Variants in DOCK3 observed in about 807,000 individuals in gnomAD.
DOCK3 encodes the protein dedicator of cytokinesis 3.
DOCK3 carries 60 observed loss-of-function variants against 265.6 expected under a neutral mutation model. That is an observed-to-expected ratio of 0.23 (90% CI 0.18 to 0.28). The LOEUF (loss-of-function observed/expected upper bound fraction) is 0.28, where lower values mean the gene tolerates loss of function less well. Ranked by LOEUF, DOCK3 falls within the 10% of genes least tolerant of loss-of-function variation. The probability of loss-of-function intolerance (pLI) is 1.00; values close to 1 mark genes in which losing one functional copy is unlikely to be tolerated. For missense variants in DOCK3, 1,981 were observed against 2,594.3 expected (o/e 0.76, Z 5.14); for synonymous variants, 881 against 938.0 (o/e 0.94, Z 1.11).
At chr3:50,807,762 C>T (rs544500360) in intron 2 of DOCK3, among the ~76,000 whole-genome samples, 3 of 152,088 alleles carry the variant, frequency 2.0e-5, no homozygotes, top group Admixed American at 2.0e-4. Flanking sequence ...GTTGATTGAT[C>T]GATAGATACA....
At chr3:50,991,668 T>C (rs550183895) in intron 5 of DOCK3, among the ~76,000 whole-genome samples, 53 of 152,230 alleles carry the variant, frequency 3.5e-4, no homozygotes, top group African/African-American at 1.2e-3. Context: ...ACTGACAGTA[T>C]TAGACAGATC....
At chr3:50,700,078 A>G (rs1046505283) in intron 1 of DOCK3, among the ~76,000 whole-genome samples, 1 of 152,112 alleles carries the variant, frequency 6.6e-6, no homozygotes, top group African/African-American at 2.4e-5. Flanking sequence ...CATGAGTTCG[A>G]GACCAGTCTG....
intron 13 of DOCK3, 76 bp from the exon 14 acceptor site, chr3:51,214,046 A>G: frequency 1.3e-6 from 2 of 1,590,198 alleles, no homozygotes; most frequent in Non-Finnish European, 1.7e-6. Flanking sequence ...TCTTCTGGAA[A>G]ATGTGACTGT....
At chr3:51,197,389 G>T (rs2107935264) in intron 12 of DOCK3, among the ~76,000 whole-genome samples, 1 of 152,326 alleles carries the variant, frequency 6.6e-6, no homozygotes, top group Non-Finnish European at 1.5e-5. Context: ...CATGGCATGA[G>T]TGATAGCAGT....
chr3:51,312,412 A>T, intron 29 of DOCK3, 64 bp from the exon 30 acceptor site: 1 of 1,366,664 alleles, frequency 7.3e-7, no homozygotes, highest in Middle Eastern at 1.8e-4. Flanking sequence ...GCATGTATTT[A>T]GTAACGCTCC....
intron 5 of DOCK3, among the ~76,000 whole-genome samples, chr3:50,978,303 G>A (rs1385907127): frequency 6.6e-6 from 1 of 151,408 alleles, no homozygotes; most frequent in Non-Finnish European, 1.5e-5. Context: ...TGATGATGGT[G>A]ATGTACAGAT....
chr3:51,055,070 T>C (rs1248885637), intron 5 of DOCK3, among the ~76,000 whole-genome samples: 1 of 152,154 alleles, frequency 6.6e-6, no homozygotes, highest in African/African-American at 2.4e-5. Flanking sequence ...TATCAATTAG[T>C]GAACATTACT....
intron 51 of DOCK3, among the ~76,000 whole-genome samples, chr3:51,376,798 T>G (rs1008324762): frequency 1.3e-5 from 2 of 152,250 alleles, no homozygotes; most frequent in African/African-American, 2.4e-5. Flanking sequence ...TTGCTCATCA[T>G]GGAGGACATA....
chr3:51,133,514 T>C (rs960298980), intron 9 of DOCK3, among the ~76,000 whole-genome samples: 1 of 152,072 alleles, frequency 6.6e-6, no homozygotes, highest in African/African-American at 2.4e-5. Flanking sequence ...TATGGCTGCA[T>C]AGTGTTCCAT....
chr3:50,810,508 A>C (rs1408645042), intron 2 of DOCK3, among the ~76,000 whole-genome samples: 1 of 151,948 alleles, frequency 6.6e-6, no homozygotes, highest in Non-Finnish European at 1.5e-5. Flanking sequence ...GCACCACTGC[A>C]CTCCAGCCTG....
intron 2 of DOCK3, among the ~76,000 whole-genome samples, chr3:50,784,259 T>C (rs957757494): frequency 2.0e-5 from 3 of 152,238 alleles, no homozygotes; most frequent in Non-Finnish European, 4.4e-5. Flanking sequence ...ATTTGTTGAA[T>C]AGGGTGTGTC....
intron 32 of DOCK3, among the ~76,000 whole-genome samples, chr3:51,321,437 A>G (rs1028749652): frequency 1.3e-5 from 2 of 152,122 alleles, no homozygotes; most frequent in African/African-American, 2.4e-5. Flanking sequence ...GAGGATCACA[A>G]CTCCTAGCCA....
intron 3 of DOCK3, among the ~76,000 whole-genome samples, chr3:50,876,440 ATATT>A (rs1266028664): frequency 3.9e-5 from 6 of 152,174 alleles, no homozygotes; most frequent in Non-Finnish European, 8.8e-5. Context: ...TTCAGTATAA[ATATT>A]TAGTGAATAA....
intron 32 of DOCK3, among the ~76,000 whole-genome samples, chr3:51,318,279 T>G (rs2083482464): frequency 6.6e-6 from 1 of 152,148 alleles, no homozygotes; most frequent in African/African-American, 2.4e-5. Flanking sequence ...CTTAGGAGGC[T>G]GAGGCAGGAG....
At chr3:51,345,126 C>T (rs755822148) in intron 38 of DOCK3, among the ~76,000 whole-genome samples, 3 of 152,210 alleles carry the variant, frequency 2.0e-5, no homozygotes, top group Non-Finnish European at 4.4e-5. Context: ...CAGCTGTAAA[C>T]TTAGCTAGCC....
At chr3:51,340,823 G>A (rs1477441499) in intron 37 of DOCK3, among the ~76,000 whole-genome samples, 3 of 152,120 alleles carry the variant, frequency 2.0e-5, no homozygotes, top group Non-Finnish European at 1.5e-5. Context: ...AGGTTCCTTT[G>A]GTAATGGAGC....
intron 1 of DOCK3, among the ~76,000 whole-genome samples, chr3:50,685,065 A>G (rs534332301): frequency 6.6e-6 from 1 of 152,246 alleles, no homozygotes; most frequent in African/African-American, 2.4e-5. Context: ...CATTTAAAAT[A>G]AATTTGGAAC....
At chr3:51,050,464 G>A (rs2080955027) in intron 5 of DOCK3, among the ~76,000 whole-genome samples, 1 of 152,086 alleles carries the variant, frequency 6.6e-6, no homozygotes, top group African/African-American at 2.4e-5. Flanking sequence ...GCACATTGGG[G>A]TTCTCCAAAG....
intron 3 of DOCK3, among the ~76,000 whole-genome samples, chr3:50,869,744 G>T (rs2047347122): frequency 6.6e-6 from 1 of 151,962 alleles, no homozygotes; most frequent in Admixed American, 6.6e-5. Flanking sequence ...AAGATGGATT[G>T]TTAGATTATT....
Sources: allele counts gnomAD v4.1 joint callset (sites outside exome capture counted in the v4.1 genomes callset), GRCh38; gene constraint gnomAD v4.1.1; transcripts MANE v1.5; gene names NCBI Gene and HGNC (gene_info 2026-07-23, HGNC 2026-07-21).